The following FGFR4 variants were observed in gnomAD, a reference collection of about 807,000 sequenced individuals.
FGFR4 encodes the protein fibroblast growth factor receptor 4.
Under a neutral mutation model 89.9 loss-of-function variants are expected in FGFR4, and 63 were observed. The observed-to-expected ratio is 0.70, with a 90% confidence interval of 0.57 to 0.86. The LOEUF is 0.86. Among genes scored for constraint, FGFR4 ranks in the 40% least tolerant of loss-of-function variants. The probability of loss-of-function intolerance (pLI) is 0.00; values close to 1 mark genes in which losing one functional copy is unlikely to be tolerated. For missense variants in FGFR4, 928 were observed against 1,106.7 expected (o/e 0.84, Z 2.29); for synonymous variants, 486 against 479.4 (o/e 1.01, Z -0.18).
In FGFR4 at chr5:177,095,983, G is replaced by C; in HGVS notation, c.1822-74G>C. ...AGTGGGTGGAGGGCCCCTGCCCCCG[G>C]GCCTGCTGGGGGGTGGTGTGTGCTC... On this transcript the variant is annotated intron_variant, in intron 13 of 17. Coordinates refer to ENST00000292408, the MANE Select transcript of FGFR4 (RefSeq NM_213647.3). The surrounding 1 kb of genome is among the most constrained non-coding windows in gnomAD (Gnocchi z 5.7). 6.4e-7 allele frequency: 1 copy of C among 1,550,880 alleles called. No homozygotes were observed. The highest frequency in any genetic ancestry group is 8.7e-7 in the Non-Finnish European group (1 of 1,148,796).
chr5:177,091,113 C>G lies in FGFR4; in HGVS notation c.603+9C>G. ...GCATTGGAGGCATTCGGGTGAGTCTCTGGGTTCCAAGACCGTCTGCTCCCC... is the reference window on the plus strand; with the variant it reads ...GCATTGGAGGCATTCGGGTGAGTCTGTGGGTTCCAAGACCGTCTGCTCCCC... On this transcript the variant is annotated intron_variant, in intron 5 of 17. Transcript: ENST00000292408. 1 of 1,557,448 alleles carries G rather than the reference C, an allele frequency of 6.4e-7. No homozygotes were observed. The highest frequency in any genetic ancestry group is 2.3e-5 in the East Asian group (1 of 42,674).
At chr5:177,091,252 G>C in intron 5 of FGFR4, 148 bp downstream of exon 5, 1 of 993,308 alleles carries the variant, frequency 1.0e-6, no homozygotes, top group East Asian at 2.7e-5. Context: ...GACCTGGGCA[G>C]CTCTGGTTCC....
intron 15 of FGFR4, 79 bp from the exon 16 acceptor site, chr5:177,096,525 C>T: frequency 6.4e-7 from 1 of 1,569,310 alleles, no homozygotes; most frequent in African/African-American, 1.3e-5. Flanking sequence ...TGTGGTGGGT[C>T]ATGTCTGTGG....
chr5:177,089,899 C>G (rs1377161737), intron 2 of FGFR4: 1 of 772,278 alleles, frequency 1.3e-6, no homozygotes, highest in East Asian at 2.7e-5. Flanking sequence ...GAGGACTGGC[C>G]TTGCAGGGCG....
rs1235504386 is a variant in FGFR4, at chr5:177,097,757, C to T, written c.*81C>T. ...AGCCACAGCCTGACACAGTGCTCGA[C>T]CTTGATAGCATGGGGCCCCTGGCCC... On this transcript the variant is annotated 3_prime_UTR_variant, in exon 18 of 18. Coordinates refer to ENST00000292408, the MANE Select transcript of FGFR4 (RefSeq NM_213647.3). The T allele has an allele frequency of 2.0e-6, 3 of 1,525,150 alleles. No individual in the cohort carries two copies. Among genetic ancestry groups the T allele is most frequent in the Non-Finnish European group, 2.6e-6 (3 of 1,136,002 alleles). 94.5% of individuals were successfully genotyped at this position (1,525,150 alleles called of 1,614,324 possible).
chr5:177,096,646 G>A lies in FGFR4; in HGVS notation c.2058G>A (p.Gly686=), dbSNP rs1582019765. 6.2e-7 allele frequency: 1 copy of A among 1,613,232 alleles called. No individual in the cohort carries two copies. The highest frequency in any genetic ancestry group is 8.5e-7 in the Non-Finnish European group (1 of 1,179,636). The stretch of plus-strand genomic sequence containing the variant: ...TGCTATGGGAGATCTTCACCCTCGG[G>A]GGCTCCCCGTATCCTGGCATCCCGG... The part of the protein sequence containing the change: ...GILLWEIFTL[G]GSPYPGIPVE... Residue 686 remains glycine (G), a synonymous_variant, in exon 16 of 18, where the codon GGG becomes GGA. Coordinates refer to ENST00000292408, the MANE Select transcript of FGFR4 (RefSeq NM_213647.3).
At position 177,093,212 on chromosome 5, in the gene FGFR4, C is replaced by G. The variant is rs2149735166; in HGVS notation, c.1132C>G (p.Leu378Val). The G allele has an allele frequency of 6.2e-7, 1 of 1,612,586 alleles. No homozygotes were observed. Among genetic ancestry groups the G allele is most frequent in the East Asian group, 2.2e-5 (1 of 44,810 alleles). The change falls in exon 9 of 18, where the codon CTG becomes GTG. Residue 378 changes from leucine (L) to valine (V), a missense_variant. Transcript: ENST00000292408. The surrounding 1 kb of genome is among the most constrained non-coding windows in gnomAD (Gnocchi z 5.8). ...TDIILYASGS[L>V]ALAVLLLLAG... ...CATCATCCTGTACGCGTCGGGCTCC[C>G]TGGCCTTGGCTGTGCTCCTGCTGCT...
chr5:177,087,564 G>T lies in FGFR4; in HGVS notation c.-54+487G>T, dbSNP rs1234943744. Reference sequence around the variant, plus strand: ...TAAGGCAGGCCCTCCATTCCCACGTGGGGGGTGGTCGGTCAGCGGTCAGCA... The same window carrying T: ...TAAGGCAGGCCCTCCATTCCCACGTTGGGGGTGGTCGGTCAGCGGTCAGCA... On this transcript the variant is annotated intron_variant, in intron 1 of 17. Transcript: ENST00000292408. This position sits in a 1 kb window ranked among gnomAD's most constrained non-coding sequence, Gnocchi z 6.1. The T allele has an allele frequency of 1.0e-6, 1 of 984,964 alleles. No individual in the cohort carries two copies. The highest frequency in any genetic ancestry group is 1.1e-4 in the East Asian group (1 of 8,802). The allele number at this position is 984,964 out of a possible 1,614,324, so 61.0% of individuals were successfully genotyped here. A position where few individuals can be genotyped will look rare whatever the true frequency, so the allele number is the denominator to read the frequency against.
At chr5:177,094,546 C>G (rs1784482876) in intron 11 of FGFR4, among the ~76,000 whole-genome samples, 1 of 151,882 alleles carries the variant, frequency 6.6e-6, no homozygotes, top group African/African-American at 2.4e-5. Context: ...GGTCTGCCCC[C>G]CACGTCCACT....
chr5:177,091,037 C>T lies in FGFR4; in HGVS notation c.536C>T (p.Thr179Met), dbSNP rs111435837. ...CGCTGTCCAGCTGCAGGCAACCCCA[C>T]GCCCACCATCCGCTGGCTTAAGGAT... ...KFRCPAAGNPTPTIRWLKDGQ... is the reference protein window; with the variant it reads ...KFRCPAAGNPMPTIRWLKDGQ... Residue 179 changes from threonine (T) to methionine (M), a missense_variant, in exon 5 of 18, where the codon ACG becomes ATG. By Grantham distance (81) the Thr-to-Met change is moderately conservative. This residue lies in a region of FGFR4 where 741 missense variants were observed against 836.9 expected (regional missense o/e 0.89). Transcript: ENST00000292408. 2.0e-5 allele frequency: 33 copies of T among 1,610,052 alleles called. No individual in the cohort carries two copies. Among genetic ancestry groups the T allele is most frequent in the African/African-American group, 1.1e-4 (8 of 74,970 alleles).
In FGFR4 at chr5:177,090,561, T is replaced by C; in HGVS notation, c.263T>C (p.Ile88Thr). The C allele has an allele frequency of 6.6e-7, 1 of 1,526,260 alleles. No homozygotes were observed. The highest frequency in any genetic ancestry group is 2.2e-5 in the Admixed American group (1 of 46,002). The allele number at this position is 1,526,260 out of a possible 1,614,324, so 94.5% of individuals were successfully genotyped here. A position where few individuals can be genotyped will look rare whatever the true frequency, so the allele number is the denominator to read the frequency against. ...CGGGGCTGGAGGGGCCGCCTAGAGA[T>C]TGCCAGCTTCCTACCTGAGGATGCT... ...RVRGWRGRLE[I>T]ASFLPEDAGR... Residue 88 changes from isoleucine to threonine, a missense_variant, in exon 3 of 18, where the codon ATT becomes ACT. Physicochemically the swap from Ile to Thr is moderately conservative, Grantham distance 89. Coordinates refer to ENST00000292408, the MANE Select transcript of FGFR4 (RefSeq NM_213647.3).
At chr5:177,094,095 T>C (rs1784465293) in intron 11 of FGFR4, among the ~76,000 whole-genome samples, 1 of 151,652 alleles carries the variant, frequency 6.6e-6, no homozygotes, top group Non-Finnish European at 1.5e-5. Flanking sequence ...TAAATAAAAA[T>C]AAAAGGTGAA....
At chr5:177,096,769 A>G (rs771989406) in intron 16 of FGFR4, 28 bp downstream of exon 16, 5 of 1,546,702 alleles carry the variant, frequency 3.2e-6, no homozygotes, top group East Asian at 4.6e-5. Flanking sequence ...CCTCGACCCC[A>G]CTTTCCAGTC....
rs1426281692 is a variant in FGFR4, at chr5:177,096,040, GC to G, written c.1822-12del. 1.2e-6 allele frequency: 2 copies of G among 1,610,026 alleles called. No individual in the cohort carries two copies. Among genetic ancestry groups the G allele is most frequent in the Middle Eastern group, 1.8e-4 (1 of 5,536 alleles). On this transcript the variant is annotated splice_polypyrimidine_tract_variant and intron_variant, in intron 13 of 17. Transcript: ENST00000292408. Reference sequence around the variant, plus strand: ...AGGCCAGGTGTCCTGAGGCACCCAAGCCCCCGCTCCCTGCAGTGTATCCACC... The same window carrying G: ...AGGCCAGGTGTCCTGAGGCACCCAAGCCCCGCTCCCTGCAGTGTATCCACC...
chr5:177,096,886 C>A (rs1784595024), intron 16 of FGFR4, 145 bp downstream of exon 16: 2 of 860,322 alleles, frequency 2.3e-6, no homozygotes, highest in South Asian at 3.3e-5. Flanking sequence ...TCCTCCTCCT[C>A]CTCTTCCTCC....
intron 2 of FGFR4, 109 bp from the exon 3 acceptor site, chr5:177,090,281 C>A (rs771287766): frequency 1.3e-6 from 2 of 1,516,126 alleles, no homozygotes; most frequent in Non-Finnish European, 1.8e-6. Flanking sequence ...GCTCCTTCAG[C>A]ATGCGTTGCA....
Position 177,092,723 on chromosome 5 carries a change from C to G in FGFR4, c.996C>G (p.Thr332=), listed in dbSNP as rs758313231. Residue 332 remains threonine (T), a synonymous_variant, in exon 8 of 18, where the codon ACC becomes ACG. Coordinates refer to ENST00000292408, the MANE Select transcript of FGFR4 (RefSeq NM_213647.3). ...NVSAEDAGEY[T]CLAGNSIGLS... ...CAGCCGAGGACGCAGGCGAGTACAC[C>G]TGCCTCGCAGGCAATTCCATCGGCC... is the stretch of plus-strand genomic sequence containing the variant. 6.8e-6 allele frequency: 11 copies of G among 1,614,132 alleles called. No individual in the cohort carries two copies. The East Asian group carries it at 1.6e-4, about 23-fold the overall frequency.
rs779846040 is a variant in FGFR4 at position 177,092,654 on chromosome 5, C to A, written c.927C>A (p.Asp309Glu). The A allele has an allele frequency of 2.5e-6, 4 of 1,606,708 alleles. No individual in the cohort carries two copies. The South Asian group carries it at 3.3e-5, about 13-fold the overall frequency. The stretch of plus-strand genomic sequence containing the variant: ...CATGTCCCCCACCCCAGACTGCAGA[C>A]ATCAATAGCTCAGAGGTGGAGGTCC... ...FPYVQVLKTA[D>E]INSSEVEVLY... Residue 309 changes from aspartate to glutamate, a missense_variant, in exon 8 of 18, where the codon GAC (aspartate) becomes GAA (glutamate). Asp to Glu is a conservative substitution (Grantham distance 45). Transcript: ENST00000292408.
chr5:177,096,393 A>G, intron 15 of FGFR4, 36 bp downstream of exon 15: 3 of 1,612,180 alleles, frequency 1.9e-6, no homozygotes, highest in Non-Finnish European at 2.5e-6. Flanking sequence ...CTACCCCACA[A>G]AAAGGGCAAG....
Sources: allele counts gnomAD v4.1 joint callset (sites outside exome capture counted in the v4.1 genomes callset), GRCh38; gene constraint gnomAD v4.1.1; regional missense constraint gnomAD v4.1.1; non-coding constraint Gnocchi (gnomAD v3.1); transcripts MANE v1.5; gene names NCBI Gene and HGNC (gene_info 2026-07-23, HGNC 2026-07-21).